VAMP4: variants seen among roughly 807,000 people sequenced by gnomAD.
VAMP4 encodes vesicle-associated membrane protein 4.
VAMP4 carries 19 observed loss-of-function variants against 23.5 expected under a neutral mutation model. The observed-to-expected ratio is 0.81, with a 90% CI of 0.56 to 1.19. The LOEUF is 1.19. Ranked by LOEUF, VAMP4 falls within the 50% of genes most tolerant of loss-of-function variation. The pLI is 0.00. For synonymous variants in VAMP4, 31 were observed against 51.0 expected (o/e 0.61, Z 1.67); for missense variants, 145 against 168.6 (o/e 0.86, Z 0.78).
intron 2 of VAMP4, among the ~76,000 whole-genome samples, chr1:171,735,659 T>G (rs764162723): frequency 2.3e-4 from 35 of 152,182 alleles, no homozygotes; most frequent in Admixed American, 1.4e-3. Context: ...AGGCTCAGAT[T>G]CTTCTAACCG....
At chr1:171,712,430 G>A (rs1331637193) in intron 4 of VAMP4, among the ~76,000 whole-genome samples, 2 of 152,080 alleles carry the variant, frequency 1.3e-5, no homozygotes, top group East Asian at 3.8e-4. Flanking sequence ...TTAGACATAG[G>A]TGGATTCAGA....
chr1:171,728,453 C>T, intron 3 of VAMP4, 71 bp downstream of exon 3: 2 of 1,252,924 alleles, frequency 1.6e-6, no homozygotes, highest in Non-Finnish European at 2.2e-6. Flanking sequence ...AAAATGTATA[C>T]AGTATATTTT....
In VAMP4 at chr1:171,731,206, A is replaced by C. The variant is rs1172166021; in HGVS notation, c.67-2636T>G. Among the ~76,000 whole-genome samples the C allele has an allele frequency of 2.0e-5, 3 of 152,192 alleles. No homozygotes were observed. In the East Asian group the frequency reaches 5.8e-4, roughly 29 times the overall value. ...AGCTCTCACAGAAAAACAGGATTGC[A>C]ATTGAACAATGAGAACACATGGACA... On this transcript the variant is annotated intron_variant, in intron 2 of 7. Transcript: ENST00000236192.
At chr1:171,735,764 T>C (rs930624802) in intron 2 of VAMP4, among the ~76,000 whole-genome samples, 2 of 152,342 alleles carry the variant, frequency 1.3e-5, no homozygotes, top group South Asian at 2.1e-4. Flanking sequence ...GCATATCAAG[T>C]CTGTGTTGTT....
rs1404198626 is a variant in VAMP4 at position 171,703,423 on chromosome 1, G to GTATATA, written c.*1082_*1083insTATATA. 1.2e-4 allele frequency: 10 copies of GTATATA among 81,926 alleles called. No homozygotes were observed. The highest frequency in any genetic ancestry group is 5.9e-4 in the Admixed American group (4 of 6,836). The allele number at this position is 81,926 out of a possible 1,614,324, so 5.1% of individuals were successfully genotyped here. A position where few individuals can be genotyped will look rare whatever the true frequency, so the allele number is the denominator to read the frequency against. ...TGTGTGTGTGTGTGTGTGTGTTTGT[G>GTATATA]TGTATATATATATATATATATATAT... On this transcript the variant is annotated 3_prime_UTR_variant, in exon 8 of 8. Transcript: ENST00000236192.
At chr1:171,726,389 C>A (rs1655371820) in intron 3 of VAMP4, among the ~76,000 whole-genome samples, 1 of 152,222 alleles carries the variant, frequency 6.6e-6, no homozygotes, top group African/African-American at 2.4e-5. Flanking sequence ...TAAATGTTTC[C>A]TCTCAGGCAT....
Position 171,704,911 on chromosome 1 carries a change from ATAGT to A in VAMP4, c.398-381_398-378del, listed in dbSNP as rs200429121. ...TAATAGGAAAAGAGAAGTATATATA[ATAGT>A]TATATTAGTAGCTATCTCTACTAAT... On this transcript the variant is annotated intron_variant, in intron 7 of 7. Coordinates refer to ENST00000236192, the MANE Select transcript of VAMP4 (RefSeq NM_003762.5). Among the ~76,000 whole-genome samples, 1,114 of 152,154 alleles carry A rather than the reference ATAGT, an allele frequency of 7.3e-3. 15 individuals carry two copies. The highest frequency in any genetic ancestry group is 0.025 in the African/African-American group (1,058 of 41,548).
chr1:171,740,263 A>G (rs1655884298), intron 1 of VAMP4, among the ~76,000 whole-genome samples: 1 of 152,262 alleles, frequency 6.6e-6, no homozygotes, highest in South Asian at 2.1e-4. Flanking sequence ...TGTTCTAGAA[A>G]GACTCACTTC....
chr1:171,719,625 A>C (rs1178401766), intron 3 of VAMP4, among the ~76,000 whole-genome samples: 2 of 152,084 alleles, frequency 1.3e-5, no homozygotes, highest in Non-Finnish European at 2.9e-5. Context: ...TTGAATTTAG[A>C]CTATAATGAA....
At position 171,704,414 on chromosome 1, in the gene VAMP4, G is replaced by C. The variant is rs1654580670; in HGVS notation, c.*92C>G. ...CTTAGTTTCTTGAAAAAGAAGTTTTGAAAGTTATATACACATAGGTTTCAT... is the reference window on the plus strand; with the variant it reads ...CTTAGTTTCTTGAAAAAGAAGTTTTCAAAGTTATATACACATAGGTTTCAT... On this transcript the variant is annotated 3_prime_UTR_variant, in exon 8 of 8. Coordinates refer to ENST00000236192, the MANE Select transcript of VAMP4 (RefSeq NM_003762.5). The C allele has an allele frequency of 1.8e-6, 2 of 1,108,960 alleles. No individual in the cohort carries two copies. Among genetic ancestry groups the C allele is most frequent in the Non-Finnish European group, 1.2e-6 (1 of 827,958 alleles). 68.7% of individuals were successfully genotyped at this position (1,108,960 alleles called of 1,614,324 possible). A position where few individuals can be genotyped will look rare whatever the true frequency, so the allele number is the denominator to read the frequency against.
intron 4 of VAMP4, among the ~76,000 whole-genome samples, chr1:171,717,412 G>T (rs532964791): frequency 6.6e-6 from 1 of 152,278 alleles, no homozygotes; most frequent in Non-Finnish European, 1.5e-5. Flanking sequence ...GAACATGAGA[G>T]AATGAGTGGC....
intron 2 of VAMP4, among the ~76,000 whole-genome samples, chr1:171,737,468 T>C (rs1655781251): frequency 6.6e-6 from 1 of 152,220 alleles, no homozygotes; most frequent in Admixed American, 6.5e-5. Context: ...AAACTAGAAA[T>C]TGAAGCATTA....
intron 4 of VAMP4, among the ~76,000 whole-genome samples, chr1:171,713,254 G>A (rs887206990): frequency 3.3e-5 from 5 of 151,010 alleles, no homozygotes; most frequent in Non-Finnish European, 7.4e-5. Context: ...CAAAGCTACT[G>A]TTCATCAAGG....
chr1:171,704,823 A>T (rs951957105), intron 7 of VAMP4, among the ~76,000 whole-genome samples: 2 of 152,048 alleles, frequency 1.3e-5, no homozygotes, highest in African/African-American at 4.8e-5. Context: ...TAATAGTCAC[A>T]ATATATTTAT....
intron 3 of VAMP4, among the ~76,000 whole-genome samples, chr1:171,726,130 C>A (rs1655362219): frequency 1.3e-5 from 2 of 152,124 alleles, no homozygotes; most frequent in Non-Finnish European, 1.5e-5. Flanking sequence ...TGGCTCACTG[C>A]AACCTCCAAC....
rs75439179 is a variant in VAMP4 at position 171,708,876 on chromosome 1, G to GAA, written c.345+787_345+788dup. 5.2e-3 allele frequency among the ~76,000 whole-genome samples: 438 copies of GAA among 84,200 alleles called. 7 individuals carry two copies. Among genetic ancestry groups the GAA allele is most frequent in the Non-Finnish European group, 6.1e-3 (254 of 41,404 alleles). 55.2% of individuals were successfully genotyped at this position (84,200 alleles called of 152,430 possible). A position where few individuals can be genotyped will look rare whatever the true frequency, so the allele number is the denominator to read the frequency against. ...AACAAGAGCAAAACTCTATCTCAAAGAAAAAAAAAAAAAAAAAAAGGAGAG... is the reference window on the plus strand; with the variant it reads ...AACAAGAGCAAAACTCTATCTCAAAGAAAAAAAAAAAAAAAAAAAAAGGAGAG... On this transcript the variant is annotated intron_variant, in intron 6 of 7. Coordinates refer to ENST00000236192, the MANE Select transcript of VAMP4 (RefSeq NM_003762.5).
chr1:171,735,615 A>C (rs1365164964), intron 2 of VAMP4, among the ~76,000 whole-genome samples: 1 of 152,172 alleles, frequency 6.6e-6, no homozygotes, highest in African/African-American at 2.4e-5. Context: ...TCTCTGGGTA[A>C]GTGACTAAAG....
chr1:171,714,877 T>C (rs1654978740), intron 4 of VAMP4, among the ~76,000 whole-genome samples: 1 of 152,206 alleles, frequency 6.6e-6, no homozygotes, highest in Admixed American at 6.5e-5. Context: ...CTGATATCCA[T>C]ATACTACCAT....
chr1:171,736,117 C>G (rs1220118562), intron 2 of VAMP4, among the ~76,000 whole-genome samples: 1 of 152,146 alleles, frequency 6.6e-6, no homozygotes, highest in Non-Finnish European at 1.5e-5. Flanking sequence ...GAATTCCTGA[C>G]CTCAAGTGAT....
Sources: gnomAD v4.1 joint callset for allele counts (sites outside exome capture counted in the v4.1 genomes callset) on GRCh38, gnomAD v4.1.1 for gene constraint, MANE v1.5 for transcripts, NCBI Gene and HGNC (gene_info 2026-07-23, HGNC 2026-07-21) for gene names.